The following TRPC1 variants were observed in gnomAD, a reference collection of about 807,000 sequenced individuals.
TRPC1 encodes short transient receptor potential channel 1.
In TRPC1, 42 loss-of-function variants were observed where a neutral mutation model predicts 88.2. The observed-to-expected ratio is 0.48, with a 90% confidence interval of 0.37 to 0.62. TRPC1 has a LOEUF of 0.62. Among genes scored for constraint, TRPC1 ranks in the 20% least tolerant of loss-of-function variants. The pLI, the probability that TRPC1 is intolerant of heterozygous loss-of-function variation, is 0.00. For synonymous variants in TRPC1, 288 were observed against 331.8 expected (o/e 0.87, Z 1.43); for missense variants, 699 against 957.3 (o/e 0.73, Z 3.56).
intron 9 of TRPC1, among the ~76,000 whole-genome samples, chr3:142,799,001 A>G (rs145094891): frequency 2.1e-4 from 32 of 152,290 alleles, no homozygotes; most frequent in African/African-American, 7.5e-4. Flanking sequence ...TAGTATTAAC[A>G]GATCAAAAGA....
In TRPC1 at chr3:142,806,750, A is replaced by G. The variant is rs980007435; in HGVS notation, c.*515A>G. ...TCTATTTTTTCTTTTGTATTTTGTT[A>G]TAATCTTAAGCAACAAAGAAAAAAC... On this transcript the variant is annotated 3_prime_UTR_variant, in exon 13 of 13. Coordinates refer to ENST00000476941, the MANE Select transcript of TRPC1 (RefSeq NM_001251845.2). 1 of 151,970 alleles carries G rather than the reference A, an allele frequency of 6.6e-6. No individual in the cohort carries two copies. Among genetic ancestry groups the G allele is most frequent in the African/African-American group, 2.4e-5 (1 of 41,430 alleles). 9.4% of individuals were successfully genotyped at this position (151,970 alleles called of 1,614,324 possible).
At chr3:142,782,261 T>G (rs1560112449) in intron 6 of TRPC1, among the ~76,000 whole-genome samples, 1 of 152,180 alleles carries the variant, frequency 6.6e-6, no homozygotes, top group East Asian at 1.9e-4. Flanking sequence ...AAATGTACCA[T>G]TCTAAAGAAG....
At chr3:142,769,209 A>G (rs1935495104) in intron 4 of TRPC1, among the ~76,000 whole-genome samples, 1 of 152,108 alleles carries the variant, frequency 6.6e-6, no homozygotes, top group Non-Finnish European at 1.5e-5. Context: ...GGTTTTTCAT[A>G]TATCTATAGG....
chr3:142,740,021 C>A (rs986664953), intron 2 of TRPC1, among the ~76,000 whole-genome samples: 4 of 152,156 alleles, frequency 2.6e-5, no homozygotes, highest in Non-Finnish European at 2.9e-5. Flanking sequence ...GGAGTACGAA[C>A]CCTATTGTGA....
intron 4 of TRPC1, among the ~76,000 whole-genome samples, chr3:142,764,755 T>C (rs1214873526): frequency 1.3e-5 from 2 of 152,116 alleles, no homozygotes; most frequent in Non-Finnish European, 2.9e-5. Context: ...TTGAATCTGT[T>C]TGGTGGTCTA....
In TRPC1 at chr3:142,741,362, A is replaced by G. The variant is rs1431333487; in HGVS notation, c.328-2123A>G. On this transcript the variant is annotated intron_variant, in intron 2 of 12. Coordinates refer to ENST00000476941, the MANE Select transcript of TRPC1 (RefSeq NM_001251845.2). ...TATCCTTTTAAGCATTGAAAGATTT[A>G]ATGTAAATCTTTATTCCTTACTAAG... Among the ~76,000 whole-genome samples, 11 of 152,192 alleles carry G rather than the reference A, an allele frequency of 7.2e-5. 2 individuals are homozygous for G. In the South Asian group the frequency reaches 2.1e-3, roughly 29 times the overall value.
At position 142,776,039 on chromosome 3, in the gene TRPC1, A is replaced by T. The variant is rs1935757211; in HGVS notation, c.633-1593A>T. Among the ~76,000 whole-genome samples, 1 of 152,220 alleles carries T rather than the reference A, an allele frequency of 6.6e-6. No individual in the cohort carries two copies. The highest frequency in any genetic ancestry group is 2.4e-5 in the African/African-American group (1 of 41,462). ...GCTGCATTTTTTATAGCAGAAAAAA[A>T]TTAGAAGCCACCTAAATGTTCATTA... On this transcript the variant is annotated intron_variant, in intron 4 of 12. Transcript: ENST00000476941. This position sits in a 1 kb window ranked among gnomAD's most constrained non-coding sequence, Gnocchi z 4.1.
intron 2 of TRPC1, among the ~76,000 whole-genome samples, chr3:142,740,377 G>T (rs1399440862): frequency 6.6e-6 from 1 of 152,216 alleles, no homozygotes; most frequent in Non-Finnish European, 1.5e-5. Context: ...GCAGCTATCA[G>T]GCAGTCCTCA....
rs1456593719 is a variant in TRPC1, at chr3:142,791,031, C to T, written c.1310C>T (p.Ser437Leu). The T allele has an allele frequency of 1.9e-6, 3 of 1,591,988 alleles. No individual in the cohort carries two copies. The highest frequency in any genetic ancestry group is 1.8e-5 in the Admixed American group (1 of 56,136). ...TTCCTTTTCTCAGGGATGATTTGGT[C>T]AGACATTAAAAGACTCTGGTATGAA... ...LILWIIGMIW[S>L]DIKRLWYEGL... The change falls in exon 8 of 13, where the codon TCA (serine) becomes TTA (leucine). Residue 437 changes from serine (S) to leucine (L), a missense_variant. Physicochemically the swap from Ser to Leu is moderately radical, Grantham distance 145. This residue lies in a region of TRPC1 where 426 missense variants were observed against 641.3 expected (regional missense o/e 0.66). Coordinates refer to ENST00000476941, the MANE Select transcript of TRPC1 (RefSeq NM_001251845.2).
chr3:142,804,417 T>C lies in TRPC1; in HGVS notation c.1960-19T>C. On this transcript the variant is annotated intron_variant, in intron 11 of 12. Transcript: ENST00000476941. ...TGTATTAATATTCTAGTTTGCTTTT[T>C]AATTTGCCTTTTATATAGAATCATG... 6.3e-7 allele frequency: 1 copy of C among 1,588,004 alleles called. No homozygotes were observed. Among genetic ancestry groups the C allele is most frequent in the Non-Finnish European group, 8.6e-7 (1 of 1,169,432 alleles).
intron 2 of TRPC1, among the ~76,000 whole-genome samples, chr3:142,740,846 A>G (rs539952590): frequency 3.9e-5 from 6 of 152,330 alleles, no homozygotes; most frequent in Non-Finnish European, 7.4e-5. Flanking sequence ...GCAAAGAGCT[A>G]GTAAGCAAGT....
intron 4 of TRPC1, among the ~76,000 whole-genome samples, chr3:142,758,758 A>G (rs1935073939): frequency 6.6e-6 from 1 of 151,534 alleles, no homozygotes; most frequent in Non-Finnish European, 1.5e-5. Flanking sequence ...TACATGTGCC[A>G]TGTTGGTGTG....
At chr3:142,789,410 C>G (rs1367040202) in intron 7 of TRPC1, among the ~76,000 whole-genome samples, 1 of 152,082 alleles carries the variant, frequency 6.6e-6, no homozygotes. Context: ...TAAAAACATA[C>G]TAAGGTGGAA....
At chr3:142,760,047 C>T (rs542393388) in intron 4 of TRPC1, among the ~76,000 whole-genome samples, 1 of 151,974 alleles carries the variant, frequency 6.6e-6, no homozygotes, top group Non-Finnish European at 1.5e-5. Flanking sequence ...AGGATGGTCT[C>T]GATCTCCTGA....
intron 1 of TRPC1, among the ~76,000 whole-genome samples, chr3:142,725,384 T>G (rs1933634665): frequency 6.6e-6 from 1 of 152,202 alleles, no homozygotes; most frequent in South Asian, 2.1e-4. Context: ...TTGTTAGTGC[T>G]TTTTATTGGA....
At chr3:142,804,323 T>C (rs918343977) in intron 11 of TRPC1, 113 bp from the exon 12 acceptor site, 113 of 1,146,630 alleles carry the variant, frequency 9.9e-5, no homozygotes, top group African/African-American at 7.9e-5. Flanking sequence ...ATGTAAGTAA[T>C]GTATAATAAT....
rs1473895482 is a variant in TRPC1, at chr3:142,804,037, C to T, written c.1818C>T (p.Ile606=). 1 of 1,613,682 alleles carries T rather than the reference C, an allele frequency of 6.2e-7. No individual in the cohort carries two copies. The highest frequency in any genetic ancestry group is 8.5e-7 in the Non-Finnish European group (1 of 1,179,850). The change falls in exon 11 of 13, where the codon ATC becomes ATT. Residue 606 remains isoleucine, a synonymous_variant. Transcript: ENST00000476941. ...TTTTCTCCTTAGCGCATGTGGCAAT[C>T]TTTGTCACAAGATTTAGCTATGGAG... The part of the protein sequence containing the change: ...WYIFSLAHVA[I]FVTRFSYGEE...
chr3:142,728,999 TA>T lies in TRPC1; in HGVS notation c.172+4271del, dbSNP rs555734372. ...AGAGGGTATTGTAGGCAGCATTCTA[TA>T]AACACTTCACAAATCATCATAGACA... On this transcript the variant is annotated intron_variant, in intron 1 of 12. Transcript: ENST00000476941. Among the ~76,000 whole-genome samples the T allele has an allele frequency of 1.2e-4, 19 of 152,308 alleles. No homozygotes were observed. The South Asian group carries it at 3.9e-3, about 32-fold the overall frequency.
chr3:142,747,896 A>AT (rs1934617644), intron 3 of TRPC1, among the ~76,000 whole-genome samples: 1 of 152,002 alleles, frequency 6.6e-6, no homozygotes, highest in African/African-American at 2.4e-5. Flanking sequence ...TTTCTAATAT[A>AT]TTTTTCTAAC....
Sources: allele counts gnomAD v4.1 joint callset (sites outside exome capture counted in the v4.1 genomes callset), GRCh38; gene constraint gnomAD v4.1.1; regional missense constraint gnomAD v4.1.1; non-coding constraint Gnocchi (gnomAD v3.1); transcripts MANE v1.5; gene names NCBI Gene and HGNC (gene_info 2026-07-23, HGNC 2026-07-21).